Variants in VGLL4 observed in about 807,000 individuals in gnomAD.
VGLL4 encodes vestigial like family member 4.
VGLL4 carries 7 observed loss-of-function variants against 21.0 expected under a neutral mutation model. The observed-to-expected ratio is 0.33, with a 90% CI of 0.19 to 0.63. The LOEUF is 0.63. Among genes scored for constraint, VGLL4 ranks in the 20% least tolerant of loss-of-function variants. The pLI is 0.78. For synonymous variants in VGLL4, 222 were observed against 173.2 expected, an observed-to-expected ratio of 1.28 and a Z score of -2.21; for missense variants, 394 against 425.7, an observed-to-expected ratio of 0.93 and a Z score of 0.66.
intron 1 of VGLL4, among the ~76,000 whole-genome samples, chr3:11,615,944 T>G (rs2075153815): frequency 6.6e-6 from 1 of 152,216 alleles, no homozygotes; most frequent in Admixed American, 6.5e-5. Flanking sequence ...CCAATCTGCA[T>G]CCTTTCCATT....
chr3:11,604,199 G>A (rs891811198), intron 1 of VGLL4: 7 of 214,928 alleles, frequency 3.3e-5, no homozygotes, highest in Admixed American at 6.5e-5. Context: ...CCGGGGAGAC[G>A]GTGGTAAATG....
Position 11,564,915 on chromosome 3 carries a change from A to G in VGLL4, c.377T>C (p.Leu126Pro), listed in dbSNP as rs2073388049. The change falls in exon 3 of 5, where the codon CTG (leucine) becomes CCG (proline). Residue 126 changes from leucine (L) to proline (P), a missense_variant. Transcript: ENST00000430365. ...APTMSLHGSHLYTSLPSLGLE... is the reference protein window; with the variant it reads ...APTMSLHGSHPYTSLPSLGLE... ...GCCAAGGCTGGGGAGGGAGGTGTAC[A>G]GGTGGCTGCCGTGCAGGCTCATGGT... 1 of 1,599,618 alleles carries G rather than the reference A, an allele frequency of 6.3e-7. No individual in the cohort carries two copies. The highest frequency in any genetic ancestry group is 8.5e-7 in the Non-Finnish European group (1 of 1,173,366).
chr3:11,585,267 C>A (rs1021490043), intron 2 of VGLL4, among the ~76,000 whole-genome samples: 1 of 152,024 alleles, frequency 6.6e-6, no homozygotes, highest in African/African-American at 2.4e-5. Context: ...GAAACCCAGT[C>A]TCTATTAAAA....
Position 11,697,169 on chromosome 3 carries a change from C to T in VGLL4, c.64+5802G>A, listed in dbSNP as rs1014053243. ...AGGCCTGAGGGCAGTGGCGCAATCA[C>T]AGCTCTCTGCAGCCTTTAACTCCTG... On this transcript the variant is annotated intron_variant, in intron 2 of 5. Coordinates refer to the VGLL4 transcript ENST00000273038. 2.0e-5 allele frequency among the ~76,000 whole-genome samples: 3 copies of T among 152,254 alleles called. No homozygotes were observed. In the South Asian group the frequency reaches 6.2e-4, roughly 32 times the overall value.
intron 1 of VGLL4, among the ~76,000 whole-genome samples, chr3:11,708,154 C>G (rs978415986): frequency 7.2e-5 from 11 of 152,168 alleles, no homozygotes; most frequent in Admixed American, 7.2e-4. Flanking sequence ...TTAATATTAC[C>G]TCCCTCATAC....
intron 3 of VGLL4, among the ~76,000 whole-genome samples, chr3:11,564,190 A>C (rs1575369256): frequency 6.6e-6 from 1 of 152,216 alleles, no homozygotes; most frequent in African/African-American, 2.4e-5. Context: ...CATTTTTAAA[A>C]AGATTTGTTT....
chr3:11,704,083 A>C (rs1203485076), intron 1 of VGLL4, among the ~76,000 whole-genome samples: 1 of 145,630 alleles, frequency 6.9e-6, no homozygotes, highest in African/African-American at 2.6e-5. Flanking sequence ...ATCTCTATTA[A>C]AATTACAAAA....
chr3:11,565,072 C>A lies in VGLL4; in HGVS notation c.273-53G>T. The A allele has an allele frequency of 2.8e-6, 4 of 1,427,172 alleles. No homozygotes were observed. The highest frequency in any genetic ancestry group is 3.7e-6 in the Non-Finnish European group (4 of 1,082,186). The allele number at this position is 1,427,172 out of a possible 1,614,324, so 88.4% of individuals were successfully genotyped here. On this transcript the variant is annotated intron_variant, in intron 2 of 4. Transcript: ENST00000430365. This position sits in a 1 kb window ranked among gnomAD's most constrained non-coding sequence, Gnocchi z 4.1. ...GGCGTTTTCTCAAAGGCAAAGGGGA[C>A]AGTGACTGTGCGCCAGGCACTCCGT...
chr3:11,714,418 C>T (rs943840606), intron 1 of VGLL4, among the ~76,000 whole-genome samples: 2 of 152,076 alleles, frequency 1.3e-5, no homozygotes, highest in African/African-American at 2.4e-5. Flanking sequence ...AGGCCAGGCA[C>T]GGTGGCTCAC....
intron 2 of VGLL4, among the ~76,000 whole-genome samples, chr3:11,589,389 G>A (rs2074432550): frequency 6.6e-6 from 1 of 152,092 alleles, no homozygotes; most frequent in African/African-American, 2.4e-5. Context: ...AAAGCCCCAA[G>A]CATTAAAGAT....
chr3:11,570,917 G>A (rs1249353499), intron 2 of VGLL4, among the ~76,000 whole-genome samples: 1 of 152,200 alleles, frequency 6.6e-6, no homozygotes, highest in Non-Finnish European at 1.5e-5. Context: ...TTCCCAGTGA[G>A]CAACAAGGTG....
At chr3:11,630,016 T>A (rs1392623729) in intron 1 of VGLL4, among the ~76,000 whole-genome samples, 1 of 152,176 alleles carries the variant, frequency 6.6e-6, no homozygotes. Context: ...ACGTTGGTGT[T>A]TTTTCACATC....
chr3:11,611,601 G>A (rs1476913931), intron 1 of VGLL4: 3 of 152,252 alleles, frequency 2.0e-5, no homozygotes, highest in African/African-American at 7.2e-5. Flanking sequence ...AAGATGAACA[G>A]CTGCAACTGT....
chr3:11,628,602 C>CCT, intron 1 of VGLL4, among the ~76,000 whole-genome samples: 1 of 151,452 alleles, frequency 6.6e-6, no homozygotes, highest in African/African-American at 2.4e-5. Context: ...GGGCGGATCA[C>CCT]GAGGTCAGGA....
rs34222383 is a variant in VGLL4, at chr3:11,707,327, C to CAA, written c.-13-4282_-13-4281dup. ...TGGGCAACAGAGCCAGACCCTGCCT[C>CAA]AAAAAAAAAAAAAAAAAAAAAAAAA... On this transcript the variant is annotated intron_variant, in intron 1 of 5. Transcript: ENST00000273038. Among the ~76,000 whole-genome samples the CAA allele has an allele frequency of 6.0e-3, 256 of 42,844 alleles. 3 individuals carry two copies. Among genetic ancestry groups the CAA allele is most frequent in the East Asian group, 0.022 (28 of 1,300 alleles). 28.1% of individuals were successfully genotyped at this position (42,844 alleles called of 152,430 possible).
intron 1 of VGLL4, among the ~76,000 whole-genome samples, chr3:11,637,466 T>C (rs1162190909): frequency 2.0e-5 from 3 of 152,022 alleles, no homozygotes; most frequent in Admixed American, 6.6e-5. Context: ...AACAAAAGAG[T>C]GAAATATTAA....
chr3:11,618,579 C>A (rs1390524168), intron 1 of VGLL4, among the ~76,000 whole-genome samples: 1 of 152,136 alleles, frequency 6.6e-6, no homozygotes, highest in Non-Finnish European at 1.5e-5. Flanking sequence ...ACTTATTCCA[C>A]AGATTTTAAT....
At chr3:11,714,569 CAA>C (rs11363717) in intron 1 of VGLL4, among the ~76,000 whole-genome samples, 21 of 137,678 alleles carry the variant, frequency 1.5e-4, no homozygotes, top group African/African-American at 5.5e-4. Context: ...AATAAAAATA[CAA>C]AAAAAAAAAG....
chr3:11,638,463 C>T (rs946021337), intron 1 of VGLL4, among the ~76,000 whole-genome samples: 4 of 152,124 alleles, frequency 2.6e-5, no homozygotes, highest in Non-Finnish European at 4.4e-5. Flanking sequence ...CCAGCTCTCT[C>T]GCAGAGCTCC....
Sources: allele counts gnomAD v4.1 joint callset (sites outside exome capture counted in the v4.1 genomes callset), GRCh38; gene constraint gnomAD v4.1.1; non-coding constraint Gnocchi (gnomAD v3.1); transcripts MANE v1.5; gene names NCBI Gene and HGNC (gene_info 2026-07-23, HGNC 2026-07-21).